The following OC90 variants were observed in gnomAD, a reference collection of about 807,000 sequenced individuals.
The protein encoded by OC90 is otoconin 90.
In OC90, 46 loss-of-function variants were observed where a neutral mutation model predicts 47.3. The ratio of observed to expected loss-of-function variants is 0.97; its 90% CI spans 0.77 to 1.24. The LOEUF (loss-of-function observed/expected upper bound fraction) is 1.24. OC90 is among the 50% of genes most tolerant of loss of function. OC90 has a pLI of 0.00. For missense variants in OC90, 688 were observed against 583.9 expected (o/e 1.18, Z -1.84); for synonymous variants, 271 against 219.5 (o/e 1.23, Z -2.07).
chr8:132,051,160 A>G (rs1331891845), intron 2 of OC90, among the ~76,000 whole-genome samples: 1 of 152,186 alleles, frequency 6.6e-6, no homozygotes, highest in Non-Finnish European at 1.5e-5. Flanking sequence ...AAACTGTTGG[A>G]TAGAACTTGA....
At chr8:132,052,577 T>G (rs187120863) in intron 2 of OC90, among the ~76,000 whole-genome samples, 1 of 152,320 alleles carries the variant, frequency 6.6e-6, no homozygotes, top group East Asian at 1.9e-4. Flanking sequence ...CCACACGTTA[T>G]TATTAGCAAT....
At chr8:132,028,761 A>C (rs1822823692) in intron 13 of OC90, among the ~76,000 whole-genome samples, 1 of 145,338 alleles carries the variant, frequency 6.9e-6, no homozygotes, top group Admixed American at 6.8e-5. Context: ...GAAGAGAGAG[A>C]TAGAGAGAAA....
rs932369856 is a variant in OC90, at chr8:132,058,486, T to A, written c.-48+855A>T. ...AGCTGTCTCCCAATGGCCGGTCTCATGGCTGCATAGCCAGTGTCTGAGCCC... is the reference window on the plus strand; with the variant it reads ...AGCTGTCTCCCAATGGCCGGTCTCAAGGCTGCATAGCCAGTGTCTGAGCCC... On this transcript the variant is annotated intron_variant, in intron 1 of 13. Coordinates refer to ENST00000254627, the MANE Select transcript of OC90 (RefSeq NM_001080399.3). Among the ~76,000 whole-genome samples, 3 of 152,298 alleles carry A rather than the reference T, an allele frequency of 2.0e-5. No homozygotes were observed. The East Asian group carries it at 5.8e-4, about 29-fold the overall frequency.
chr8:132,039,148 A>G (rs752805319), intron 6 of OC90, 25 bp from the exon 7 acceptor site: 8 of 1,577,332 alleles, frequency 5.1e-6, no homozygotes, highest in African/African-American at 1.4e-5. Flanking sequence ...AGCATAGCCA[A>G]TTGGAAAGAT....
At chr8:132,033,858 G>A (rs989843946) in intron 10 of OC90, among the ~76,000 whole-genome samples, 1 of 152,198 alleles carries the variant, frequency 6.6e-6, no homozygotes, top group Non-Finnish European at 1.5e-5. Flanking sequence ...AGCAGGCTCA[G>A]CCCCACCAAT....
chr8:132,037,461 CT>C lies in OC90; in HGVS notation c.655del (p.Ser219AlafsTer2). 6.3e-7 allele frequency: 1 copy of C among 1,583,244 alleles called. No homozygotes were observed. The highest frequency in any genetic ancestry group is 8.6e-7 in the Non-Finnish European group (1 of 1,163,470). Reference protein sequence around the residue: ...RVVPVEPTDTSLTALSGEEAG... With the variant: ...RVVPVEPTDTXLTALSGEEAG... ...ACCTTCTCCTGAAAGGGCTGTCAGGCTGGTGTCTGTGGGCTCCACAGGAACC... is the reference window on the plus strand; with the variant it reads ...ACCTTCTCCTGAAAGGGCTGTCAGGCGGTGTCTGTGGGCTCCACAGGAACC... On this transcript the variant is annotated frameshift_variant, in exon 9 of 14. Coordinates refer to ENST00000254627, the MANE Select transcript of OC90 (RefSeq NM_001080399.3). LOFTEE classifies it high-confidence loss of function.
intron 2 of OC90, among the ~76,000 whole-genome samples, chr8:132,047,665 G>T (rs1276149089): frequency 6.6e-6 from 1 of 151,884 alleles, no homozygotes; most frequent in Non-Finnish European, 1.5e-5. Context: ...CTTCTAAAAA[G>T]GTAAGTATTT....
chr8:132,050,460 C>T (rs1823197012), intron 2 of OC90, among the ~76,000 whole-genome samples: 1 of 152,078 alleles, frequency 6.6e-6, no homozygotes, highest in Non-Finnish European at 1.5e-5. Flanking sequence ...AGTAAGATCC[C>T]AGGGATGTTC....
chr8:132,055,122 A>T (rs1823264711), intron 1 of OC90, 49 bp from the exon 2 acceptor site: 1 of 1,057,120 alleles, frequency 9.5e-7, no homozygotes, highest in Non-Finnish European at 1.4e-6. Flanking sequence ...CAGAATTCCC[A>T]TGAAAGAACC....
chr8:132,054,151 G>T (rs1385520000), intron 2 of OC90, among the ~76,000 whole-genome samples: 1 of 152,132 alleles, frequency 6.6e-6, no homozygotes, highest in Admixed American at 6.5e-5. Flanking sequence ...CAGAGGCCTC[G>T]TCCCCTTCAT....
intron 5 of OC90, 120 bp from the exon 6 acceptor site, chr8:132,041,276 A>C (rs556408480): frequency 1.4e-6 from 1 of 697,234 alleles, no homozygotes; most frequent in Non-Finnish European, 2.5e-6. Context: ...TTAAATATTC[A>C]GTGCACTAAA....
intron 9 of OC90, 77 bp from the exon 10 acceptor site, chr8:132,034,911 C>T: frequency 9.9e-7 from 1 of 1,014,560 alleles, no homozygotes; most frequent in East Asian, 2.4e-5. Flanking sequence ...GCTCTTCCCA[C>T]CCACTGCACA....
At chr8:132,052,692 T>C (rs1267516700) in intron 2 of OC90, among the ~76,000 whole-genome samples, 1 of 152,208 alleles carries the variant, frequency 6.6e-6, no homozygotes, top group Non-Finnish European at 1.5e-5. Flanking sequence ...TCAGAGGGAA[T>C]GTAAGGACAA....
At chr8:132,034,748 T>C in intron 10 of OC90, 33 bp downstream of exon 10, 1 of 1,513,652 alleles carries the variant, frequency 6.6e-7, no homozygotes, top group Non-Finnish European at 9.2e-7. Flanking sequence ...AAATGTGTCA[T>C]GAACATAGGC....
chr8:132,050,738 C>A (rs979891406), intron 2 of OC90, among the ~76,000 whole-genome samples: 1 of 152,142 alleles, frequency 6.6e-6, no homozygotes, highest in African/African-American at 2.4e-5. Flanking sequence ...GCGGTGCCCA[C>A]AACTGTAATC....
intron 9 of OC90, among the ~76,000 whole-genome samples, chr8:132,035,612 T>A (rs1822946792): frequency 6.6e-6 from 1 of 152,232 alleles, no homozygotes; most frequent in Admixed American, 6.5e-5. Flanking sequence ...ATCAAGACTA[T>A]GCTAGTGTTC....
At chr8:132,045,742 G>A (rs1157392467) in intron 3 of OC90, 76 bp downstream of exon 3, 3 of 836,050 alleles carry the variant, frequency 3.6e-6, no homozygotes, top group Admixed American at 4.0e-5. Context: ...GGTGTATTCA[G>A]AAGGGATCAT....
chr8:132,026,814 T>C (rs559224449), intron 13 of OC90, among the ~76,000 whole-genome samples: 11 of 152,150 alleles, frequency 7.2e-5, no homozygotes, highest in African/African-American at 2.6e-4. Context: ...TCATCCCCTA[T>C]AGGAAAAAAT....
At chr8:132,034,166 A>G (rs980487453) in intron 10 of OC90, among the ~76,000 whole-genome samples, 1 of 152,256 alleles carries the variant, frequency 6.6e-6, no homozygotes, top group Admixed American at 6.5e-5. Context: ...GAGTAGAAAG[A>G]GTTCATGAGT....
Sources: gnomAD v4.1 joint callset for allele counts (sites outside exome capture counted in the v4.1 genomes callset) on GRCh38, gnomAD v4.1.1 for gene constraint, MANE v1.5 for transcripts, NCBI Gene and HGNC (gene_info 2026-07-23, HGNC 2026-07-21) for gene names.